Variants in RAB3GAP2 observed in about 807,000 individuals in gnomAD.
RAB3GAP2 encodes the protein RAB3 GTPase activating non-catalytic protein subunit 2.
RAB3GAP2 carries 87 observed loss-of-function variants against 185.3 expected under a neutral mutation model. The ratio of observed to expected loss-of-function variants is 0.47; its 90% CI spans 0.39 to 0.56. The LOEUF (loss-of-function observed/expected upper bound fraction) is 0.56. RAB3GAP2 is among the 20% of genes least tolerant of loss of function. RAB3GAP2 has a pLI of 0.00. For missense variants in RAB3GAP2, 1,492 were observed against 1,638.2 expected (o/e 0.91, Z 1.54); for synonymous variants, 554 against 576.1 (o/e 0.96, Z 0.55).
intron 18 of RAB3GAP2, among the ~76,000 whole-genome samples, chr1:220,185,276 G>A (rs1331069500): frequency 6.6e-6 from 1 of 152,104 alleles, no homozygotes. Flanking sequence ...AAAATGACCA[G>A]AAAATTCAGA....
chr1:220,230,962 C>T (rs147358352), intron 2 of RAB3GAP2, among the ~76,000 whole-genome samples: 2 of 152,268 alleles, frequency 1.3e-5, no homozygotes, highest in East Asian at 1.9e-4. Flanking sequence ...ACTAATACCA[C>T]CTTAATCAAA....
chr1:220,186,528 AAAGT>A (rs1282136417), intron 17 of RAB3GAP2, among the ~76,000 whole-genome samples: 1 of 152,166 alleles, frequency 6.6e-6, no homozygotes, highest in Non-Finnish European at 1.5e-5. Flanking sequence ...AACAATAAAG[AAAGT>A]GACTGTAAGA....
intron 4 of RAB3GAP2, among the ~76,000 whole-genome samples, chr1:220,212,364 C>A (rs781533674): frequency 6.6e-6 from 1 of 152,158 alleles, no homozygotes; most frequent in Non-Finnish European, 1.5e-5. Flanking sequence ...AATCTTCCAA[C>A]AGAATTTTTT....
chr1:220,179,881 C>T (rs866981061), intron 21 of RAB3GAP2, among the ~76,000 whole-genome samples: 1 of 152,076 alleles, frequency 6.6e-6, no homozygotes, highest in African/African-American at 2.4e-5. Context: ...AGAGGGAAGT[C>T]GGCCGGGTGC....
chr1:220,157,287 A>G lies in RAB3GAP2; in HGVS notation c.3538T>C (p.Ser1180Pro), dbSNP rs1194447005. The change falls in exon 31 of 35, where the codon TCA (serine) becomes CCA (proline). Residue 1180 changes from serine to proline, a missense_variant. By Grantham distance (74) the Ser-to-Pro change is moderately conservative. Transcript: ENST00000358951. ...GTACTTACCTTACTGTCAAAAAGTG[A>G]AAGTGGCTTCACGGTCTTCAGAGAA... ...RFSLKTVKPL[S>P]LFDSKGKNAF... The G allele has an allele frequency of 6.2e-7, 1 of 1,613,776 alleles. No individual in the cohort carries two copies. Among genetic ancestry groups the G allele is most frequent in the Admixed American group, 1.7e-5 (1 of 59,972 alleles).
intron 33 of RAB3GAP2, among the ~76,000 whole-genome samples, chr1:220,152,904 G>A (rs1443909241): frequency 1.3e-5 from 2 of 151,998 alleles, no homozygotes; most frequent in African/African-American, 2.4e-5. Context: ...AATTTAGCAT[G>A]CTTTTCTGCT....
chr1:220,184,785 G>A (rs1188076661), intron 18 of RAB3GAP2, among the ~76,000 whole-genome samples: 10 of 152,050 alleles, frequency 6.6e-5, no homozygotes, highest in Non-Finnish European at 1.2e-4. Context: ...AATGCCTTGA[G>A]GGGTGGGAGG....
intron 1 of RAB3GAP2, among the ~76,000 whole-genome samples, chr1:220,268,792 T>G (rs1263537831): frequency 6.6e-6 from 1 of 152,230 alleles, no homozygotes; most frequent in East Asian, 1.9e-4. Flanking sequence ...TCTAGATGTT[T>G]GGGGTGTATT....
intron 1 of RAB3GAP2, chr1:220,267,337 A>G (rs1309458360): frequency 9.3e-7 from 1 of 1,075,650 alleles, no homozygotes. Flanking sequence ...ATACAGTCTG[A>G]TTATATTAGG....
At chr1:220,267,544 T>G (rs1660251470) in intron 1 of RAB3GAP2, 2 of 1,292,664 alleles carry the variant, frequency 1.5e-6, no homozygotes, top group Admixed American at 2.0e-5. Flanking sequence ...CCATTGCCTC[T>G]TTTTGATTCT....
Position 220,191,119 on chromosome 1 carries a change from C to T in RAB3GAP2, c.1436G>A (p.Ser479Asn), listed in dbSNP as rs775840240. The T allele has an allele frequency of 2.0e-5, 32 of 1,613,938 alleles. No individual in the cohort carries two copies. In the South Asian group the frequency reaches 3.5e-4, roughly 18 times the overall value. ...APRRGILEVW[S>N]TQQGPRVGAF... ...TCCTACTCTAGGTCCCTGCTGTGTG[C>T]TCCACACTTCTAAAATTCCCCTTCT... Residue 479 changes from serine to asparagine, a missense_variant, in exon 14 of 35, where the codon AGC becomes AAC. Ser to Asn is a conservative substitution (Grantham distance 46). Transcript: ENST00000358951.
At chr1:220,206,659 A>C (rs1658974359) in intron 7 of RAB3GAP2, among the ~76,000 whole-genome samples, 1 of 151,896 alleles carries the variant, frequency 6.6e-6, no homozygotes, top group African/African-American at 2.4e-5. Context: ...CCTGATTAAA[A>C]CTCTTCAATG....
intron 26 of RAB3GAP2, among the ~76,000 whole-genome samples, chr1:220,166,346 T>A (rs1006351685): frequency 4.6e-5 from 7 of 152,210 alleles, no homozygotes; most frequent in Non-Finnish European, 8.8e-5. Context: ...TGCAACCTCA[T>A]ATAAGGAAGA....
intron 28 of RAB3GAP2, among the ~76,000 whole-genome samples, chr1:220,161,383 A>G (rs893031680): frequency 6.6e-6 from 1 of 152,204 alleles, no homozygotes; most frequent in African/African-American, 2.4e-5. Flanking sequence ...GCATCCACTC[A>G]TCTGATGCTA....
At chr1:220,202,219 C>T in intron 9 of RAB3GAP2, 57 bp downstream of exon 9, 1 of 1,558,154 alleles carries the variant, frequency 6.4e-7, no homozygotes, top group Non-Finnish European at 8.7e-7. Flanking sequence ...AAATGAGATA[C>T]TTCAATAAAA....
chr1:220,271,865 G>C (rs1220834577), intron 1 of RAB3GAP2, among the ~76,000 whole-genome samples: 1 of 143,716 alleles, frequency 7.0e-6, no homozygotes, highest in East Asian at 2.2e-4. Flanking sequence ...AACAGGGAAC[G>C]ACCCCAGGCT....
Position 220,172,650 on chromosome 1 carries a change from C to T in RAB3GAP2, c.2403G>A (p.Leu801=), listed in dbSNP as rs1571881674. 1 of 1,608,654 alleles carries T rather than the reference C, an allele frequency of 6.2e-7. No individual in the cohort carries two copies. Among genetic ancestry groups the T allele is most frequent in the Non-Finnish European group, 8.5e-7 (1 of 1,174,966 alleles). Residue 801 remains leucine, a synonymous_variant, in exon 22 of 35, where the codon CTG becomes CTA. Coordinates refer to ENST00000358951, the MANE Select transcript of RAB3GAP2 (RefSeq NM_012414.4). ...AACTTTGTTTACCTTTCATCTTGCT[C>T]AGGAGGGACAGCATGGTATGAAGAC... ...ICCLHTMLSL[L]SKMKVAIDET...
intron 25 of RAB3GAP2, 48 bp from the exon 26 acceptor site, chr1:220,167,447 A>T: frequency 6.2e-7 from 1 of 1,612,826 alleles, no homozygotes; most frequent in Non-Finnish European, 8.5e-7. Context: ...CTTAATGAAC[A>T]CTTGGCCACA....
chr1:220,233,847 C>A (rs1398957082), intron 1 of RAB3GAP2, among the ~76,000 whole-genome samples: 1 of 152,112 alleles, frequency 6.6e-6, no homozygotes, highest in Non-Finnish European at 1.5e-5. Flanking sequence ...ACTACAGGCA[C>A]CTGCCACCAC....
Sources: allele counts gnomAD v4.1 joint callset (sites outside exome capture counted in the v4.1 genomes callset), GRCh38; gene constraint gnomAD v4.1.1; transcripts MANE v1.5; gene names NCBI Gene and HGNC (gene_info 2026-07-23, HGNC 2026-07-21).